LRP1B: variants seen among roughly 807,000 people sequenced by gnomAD.
LRP1B encodes the protein LDL receptor related protein 1B, also known as low-density lipoprotein receptor-related protein 1B.
In LRP1B, 217 loss-of-function variants were observed where a neutral mutation model predicts 556.6. That is an observed-to-expected ratio of 0.39 (90% confidence interval 0.35 to 0.44). The LOEUF (loss-of-function observed/expected upper bound fraction) is 0.44. Ranked by LOEUF, LRP1B falls within the 20% of genes least tolerant of loss-of-function variation. The probability of loss-of-function intolerance (pLI) is 1.00; values close to 1 mark genes in which losing one functional copy is unlikely to be tolerated. For missense variants in LRP1B, 5,053 were observed against 5,620.8 expected (o/e 0.90, Z 3.23); for synonymous variants, 2,047 against 1,865.8 (o/e 1.10, Z -2.50).
At chr2:142,075,024 A>C (rs1033135030) in intron 1 of LRP1B, among the ~76,000 whole-genome samples, 1 of 152,116 alleles carries the variant, frequency 6.6e-6, no homozygotes, top group African/African-American at 2.4e-5. Context: ...CTCTTTCACC[A>C]TTCCAAAAGC....
chr2:140,597,290 T>A (rs1682480615), intron 43 of LRP1B, among the ~76,000 whole-genome samples: 1 of 152,198 alleles, frequency 6.6e-6, no homozygotes, highest in South Asian at 2.1e-4. Flanking sequence ...GTTAGTGCTA[T>A]CTTATTACTC....
intron 41 of LRP1B, among the ~76,000 whole-genome samples, chr2:140,682,122 C>T (rs1011646097): frequency 6.6e-6 from 1 of 152,116 alleles, no homozygotes; most frequent in Non-Finnish European, 1.5e-5. Flanking sequence ...AAAACAGTTA[C>T]GTGTTTCATC....
chr2:141,528,011 T>G (rs1310778444), intron 2 of LRP1B, among the ~76,000 whole-genome samples: 2 of 151,988 alleles, frequency 1.3e-5, no homozygotes, highest in African/African-American at 4.8e-5. Flanking sequence ...CATCTGCCCC[T>G]CTTCTAAAAC....
intron 47 of LRP1B, 119 bp downstream of exon 47, chr2:140,533,902 T>G: frequency 2.0e-6 from 2 of 1,015,200 alleles, no homozygotes; most frequent in Non-Finnish European, 2.9e-6. Flanking sequence ...TTTACCAAAG[T>G]GTGATCCATA....
intron 1 of LRP1B, among the ~76,000 whole-genome samples, chr2:142,078,504 A>T (rs1433264093): frequency 2.0e-5 from 3 of 152,266 alleles, no homozygotes; most frequent in African/African-American, 7.2e-5. Context: ...CGAGTTTAAG[A>T]TTTGGGCTTG....
intron 40 of LRP1B, among the ~76,000 whole-genome samples, chr2:140,700,867 AAT>A (rs1686613074): frequency 2.0e-5 from 3 of 152,210 alleles, no homozygotes; most frequent in Admixed American, 2.0e-4. Flanking sequence ...TTAAGCATTA[AAT>A]TTTTCCCTTA....
chr2:141,013,444 G>A (rs77546904), intron 14 of LRP1B, 112 bp downstream of exon 14: 35,248 of 837,182 alleles, frequency 0.042, 967 homozygotes, highest in Middle Eastern at 0.07. Context: ...GAGGGAATTT[G>A]ACATCTTTTA....
chr2:140,264,710 G>A (rs371159898), intron 86 of LRP1B, among the ~76,000 whole-genome samples: 14 of 24,490 alleles, frequency 5.7e-4, no homozygotes, highest in East Asian at 3.1e-3. Context: ...ATATGTGTGT[G>A]TGTGTGTGTG....
chr2:140,290,545 T>A (rs548777293), intron 84 of LRP1B, among the ~76,000 whole-genome samples: 1 of 152,238 alleles, frequency 6.6e-6, no homozygotes, highest in African/African-American at 2.4e-5. Context: ...TTGGTTCTTA[T>A]GGGTACTTTC....
intron 1 of LRP1B, among the ~76,000 whole-genome samples, chr2:141,842,293 A>C (rs1697503476): frequency 6.6e-6 from 1 of 152,090 alleles, no homozygotes; most frequent in African/African-American, 2.4e-5. Flanking sequence ...AGGTAATATA[A>C]TTTAGGTAAA....
intron 43 of LRP1B, among the ~76,000 whole-genome samples, chr2:140,553,567 C>A (rs767413979): frequency 6.6e-6 from 1 of 152,012 alleles, no homozygotes; most frequent in African/African-American, 2.4e-5. Flanking sequence ...ACATGATTGC[C>A]TAATTTCTAT....
At chr2:141,613,325 A>T (rs928675547) in intron 2 of LRP1B, among the ~76,000 whole-genome samples, 1 of 152,110 alleles carries the variant, frequency 6.6e-6, no homozygotes. Context: ...GACCTCTAGA[A>T]AGTGACCACG....
chr2:140,700,289 T>C lies in LRP1B; in HGVS notation c.6760A>G (p.Ile2254Val), dbSNP rs762088158. 3.1e-6 allele frequency: 5 copies of C among 1,612,288 alleles called. No homozygotes were observed. Among genetic ancestry groups the C allele is most frequent in the Non-Finnish European group, 4.2e-6 (5 of 1,179,018 alleles). ...SDAHFGNIQL[I>V]KDNWEDRQVI... The stretch of plus-strand genomic sequence containing the variant: ...TGTCTGTCTTCCCAGTTGTCTTTAA[T>C]AAGCTGTATATTTCCAAAGTGTGCA... The change falls in exon 41 of 91, where the codon ATT becomes GTT. Residue 2254 changes from isoleucine to valine, a missense_variant. By Grantham distance (29) the Ile-to-Val change is conservative. Around this residue, in one of 5 missense-constraint regions of LRP1B, gnomAD observed 3,619 missense variants for 3,931.9 expected, o/e 0.92. Coordinates refer to ENST00000389484, the MANE Select transcript of LRP1B (RefSeq NM_018557.3).
chr2:140,676,213 C>T lies in LRP1B; in HGVS notation c.6799+24037G>A, dbSNP rs562658510. Among the ~76,000 whole-genome samples, 56 of 152,140 alleles carry T rather than the reference C, an allele frequency of 3.7e-4. 1 individual carries two copies. Among genetic ancestry groups the T allele is most frequent in the East Asian group, 1.7e-3 (9 of 5,172 alleles). ...CTAGCTAATTTATGTCAGATAAAAG[C>T]GCAAGAGTACAATTTGCTTCCTACA... On this transcript the variant is annotated intron_variant, in intron 41 of 90. Coordinates refer to ENST00000389484, the MANE Select transcript of LRP1B (RefSeq NM_018557.3).
Position 141,647,833 on chromosome 2 carries a change from T to G in LRP1B, c.205+162446A>C, listed in dbSNP as rs954036804. On this transcript the variant is annotated intron_variant, in intron 2 of 90. Transcript: ENST00000389484. The stretch of plus-strand genomic sequence containing the variant: ...ATTCTGCAATAAAATTAAGAAAATT[T>G]TAATTGAAATAATAAAACCATCTCA... Among the ~76,000 whole-genome samples the G allele has an allele frequency of 3.9e-5, 6 of 151,996 alleles. No homozygotes were observed. The East Asian group carries it at 7.7e-4, about 20-fold the overall frequency.
chr2:141,444,963 C>T (rs887610581), intron 3 of LRP1B, among the ~76,000 whole-genome samples: 17 of 152,046 alleles, frequency 1.1e-4, no homozygotes, highest in African/African-American at 4.1e-4. Flanking sequence ...GGGAGGAGTC[C>T]CTCTTTTTCT....
intron 3 of LRP1B, among the ~76,000 whole-genome samples, chr2:141,371,510 G>T (rs1274776531): frequency 6.6e-6 from 1 of 152,068 alleles, no homozygotes; most frequent in East Asian, 1.9e-4. Flanking sequence ...CCATGACCAC[G>T]GGATGTTATT....
At chr2:140,851,524 C>A (rs1459038629) in intron 28 of LRP1B, 128 bp downstream of exon 28, 19 of 975,756 alleles carry the variant, frequency 1.9e-5, no homozygotes, top group Non-Finnish European at 2.7e-5. Context: ...AGCACCACCA[C>A]CTAAAATATT....
At chr2:140,698,974 G>C (rs1686534895) in intron 41 of LRP1B, among the ~76,000 whole-genome samples, 1 of 152,016 alleles carries the variant, frequency 6.6e-6, no homozygotes. Context: ...AAGCCTGTAA[G>C]TACTGGGAAG....
Sources: gnomAD v4.1 joint callset for allele counts (sites outside exome capture counted in the v4.1 genomes callset) on GRCh38, gnomAD v4.1.1 for gene constraint, gnomAD v4.1.1 regional missense constraint, MANE v1.5 for transcripts, NCBI Gene and HGNC (gene_info 2026-07-23, HGNC 2026-07-21) for gene names.